DAB1: variants seen among roughly 807,000 people sequenced by gnomAD.
The protein encoded by DAB1 is disabled homolog 1.
Under a neutral mutation model 64.6 loss-of-function variants are expected in DAB1, and 15 were observed. That is an observed-to-expected ratio of 0.23 (90% CI 0.16 to 0.36). The LOEUF (loss-of-function observed/expected upper bound fraction) is 0.36. Among genes scored for constraint, DAB1 ranks in the 10% least tolerant of loss-of-function variants. The pLI is 1.00. For missense variants in DAB1, 596 were observed against 706.7 expected (o/e 0.84, Z 1.78); for synonymous variants, 235 against 251.9 (o/e 0.93, Z 0.64).
chr1:58,366,832 G>A (rs546840775), intron 3 of DAB1, among the ~76,000 whole-genome samples: 1 of 152,196 alleles, frequency 6.6e-6, no homozygotes, highest in Non-Finnish European at 1.5e-5. Flanking sequence ...AGGCAGCACT[G>A]CACATTTATA....
At chr1:58,365,150 G>A (rs1557740505) in intron 3 of DAB1, among the ~76,000 whole-genome samples, 2 of 152,184 alleles carry the variant, frequency 1.3e-5, no homozygotes. Context: ...AGTGGCATGA[G>A]AAGACTAAAA....
chr1:57,054,846 C>T (rs1649592614), intron 9 of DAB1, among the ~76,000 whole-genome samples: 1 of 152,152 alleles, frequency 6.6e-6, no homozygotes, highest in Non-Finnish European at 1.5e-5. Flanking sequence ...CCAGCATTAT[C>T]AGCCCGAAGA....
chr1:57,430,579 G>A lies in DAB1; in HGVS notation n.626-139413C>T, dbSNP rs202242228. ...TTTTTAGCAGAGACGGGGTTTCACC[G>A]TGTTAGCCAGGATGGTCTCGATCTC... On this transcript the variant is annotated intron_variant and non_coding_transcript_variant, in intron 7 of 20. Transcript: ENST00000485760. Among the ~76,000 whole-genome samples, 105 of 151,986 alleles carry A rather than the reference G, an allele frequency of 6.9e-4. 1 individual carries two copies. The East Asian group carries it at 0.017, about 24-fold the overall frequency.
chr1:58,279,948 T>C (rs1235820684), intron 4 of DAB1, among the ~76,000 whole-genome samples: 5 of 152,104 alleles, frequency 3.3e-5, no homozygotes, highest in Admixed American at 3.3e-4. Context: ...TTGGACTCTG[T>C]CATGCATTTA....
At chr1:57,054,005 G>T (rs147880412) in intron 9 of DAB1, among the ~76,000 whole-genome samples, 1 of 151,968 alleles carries the variant, frequency 6.6e-6, no homozygotes, top group Non-Finnish European at 1.5e-5. Flanking sequence ...TCTTTTGAAG[G>T]CCAAAAGAAT....
chr1:58,364,704 T>C, intron 3 of DAB1, among the ~76,000 whole-genome samples: 1 of 152,210 alleles, frequency 6.6e-6, no homozygotes, highest in East Asian at 1.9e-4. Context: ...GATGTGTCTG[T>C]ATTTATATAC....
chr1:57,225,639 T>A (rs1216446731), intron 2 of DAB1, among the ~76,000 whole-genome samples: 1 of 152,168 alleles, frequency 6.6e-6, no homozygotes, highest in African/African-American at 2.4e-5. Context: ...AAAGTCATAA[T>A]GGGTATGATA....
At position 57,015,271 on chromosome 1, in the gene DAB1, C is replaced by T; in HGVS notation, c.1056G>A (p.Gln352=). Residue 352 remains glutamine (Q), a synonymous_variant, in exon 12 of 15, where the codon CAG becomes CAA. Coordinates refer to ENST00000371236, the MANE Select transcript of DAB1 (RefSeq NM_001365792.1). Reference sequence around the variant, plus strand: ...ACTGCCCGGCCACAGTTGGCCAGGGCTGCTGAGTGGCAGGAAAGAGACCCG... The same window carrying T: ...ACTGCCCGGCCACAGTTGGCCAGGGTTGCTGAGTGGCAGGAAAGAGACCCG... ...GQPGLFPATQ[Q]PWPTVAGQFP... 1 of 1,614,092 alleles carries T rather than the reference C, an allele frequency of 6.2e-7. No individual in the cohort carries two copies. The highest frequency in any genetic ancestry group is 1.1e-5 in the South Asian group (1 of 91,072).
chr1:57,056,850 C>A (rs191296618), intron 9 of DAB1, among the ~76,000 whole-genome samples: 1 of 151,182 alleles, frequency 6.6e-6, no homozygotes, highest in Non-Finnish European at 1.5e-5. Flanking sequence ...GGCAACAGAG[C>A]GAGACTCTGT....
chr1:58,459,099 C>A (rs990483895), intron 3 of DAB1, among the ~76,000 whole-genome samples: 1 of 152,144 alleles, frequency 6.6e-6, no homozygotes, highest in South Asian at 2.1e-4. Flanking sequence ...AGGACCAGAA[C>A]AGGATTAGCC....
chr1:57,079,694 T>C (rs1652309213), intron 4 of DAB1, among the ~76,000 whole-genome samples: 1 of 152,132 alleles, frequency 6.6e-6, no homozygotes, highest in African/African-American at 2.4e-5. Flanking sequence ...ACCACCTTGG[T>C]GTTTTACAGT....
At chr1:58,365,322 G>A (rs1644206794) in intron 3 of DAB1, among the ~76,000 whole-genome samples, 1 of 152,220 alleles carries the variant, frequency 6.6e-6, no homozygotes, top group South Asian at 2.1e-4. Context: ...AGGGAGTTAT[G>A]TCACTCAGAC....
At chr1:58,225,914 A>T (rs184937043) in intron 4 of DAB1, among the ~76,000 whole-genome samples, 104 of 151,488 alleles carry the variant, frequency 6.9e-4, no homozygotes, top group African/African-American at 2.2e-3. Context: ...TACATATGTA[A>T]CTAACCTGCA....
intron 3 of DAB1, among the ~76,000 whole-genome samples, chr1:58,425,133 T>C (rs896225042): frequency 6.6e-6 from 1 of 152,230 alleles, no homozygotes; most frequent in African/African-American, 2.4e-5. Context: ...CTGCCTAGAT[T>C]AATTCATGAA....
At chr1:58,038,398 A>G (rs926577013) in intron 5 of DAB1, among the ~76,000 whole-genome samples, 27 of 152,334 alleles carry the variant, frequency 1.8e-4, no homozygotes, top group African/African-American at 6.0e-4. Flanking sequence ...CTTGTTATCT[A>G]GGTACTTGAT....
At chr1:57,990,152 G>A (rs917211798) in intron 5 of DAB1, among the ~76,000 whole-genome samples, 1 of 152,120 alleles carries the variant, frequency 6.6e-6, no homozygotes, top group African/African-American at 2.4e-5. Context: ...CAGCTCCCAG[G>A]AAATGGTGTC....
At chr1:57,237,608 A>T (rs951720316) in intron 2 of DAB1, among the ~76,000 whole-genome samples, 2 of 152,250 alleles carry the variant, frequency 1.3e-5, no homozygotes, top group South Asian at 2.1e-4. Context: ...CTAACTAACT[A>T]CTGTTTAATA....
intron 3 of DAB1, among the ~76,000 whole-genome samples, chr1:58,345,487 T>C (rs1428208594): frequency 6.6e-6 from 1 of 152,228 alleles, no homozygotes; most frequent in Non-Finnish European, 1.5e-5. Context: ...CAGGGATGCC[T>C]CCATTCCCTG....
At chr1:58,388,069 C>T (rs928094901) in intron 3 of DAB1, among the ~76,000 whole-genome samples, 2 of 152,100 alleles carry the variant, frequency 1.3e-5, no homozygotes, top group Non-Finnish European at 2.9e-5. Flanking sequence ...TAGAAAGAAG[C>T]TTTCTTAGTC....
Sources: gnomAD v4.1 joint callset for allele counts (sites outside exome capture counted in the v4.1 genomes callset) on GRCh38, gnomAD v4.1.1 for gene constraint, MANE v1.5 for transcripts, NCBI Gene and HGNC (gene_info 2026-07-23, HGNC 2026-07-21) for gene names.